Variants in LNPEP observed in about 807,000 individuals in gnomAD.
The protein encoded by LNPEP is leucyl and cystinyl aminopeptidase.
In LNPEP, 64 loss-of-function variants were observed where a neutral mutation model predicts 120.6. That is an observed-to-expected ratio of 0.53 (90% CI 0.43 to 0.65). The LOEUF (loss-of-function observed/expected upper bound fraction) is 0.65, where lower values mean the gene tolerates loss of function less well. LNPEP is among the 30% of genes least tolerant of loss of function. The pLI is 0.00. For synonymous variants in LNPEP, 435 were observed against 425.4 expected, an observed-to-expected ratio of 1.02 and a Z score of -0.28; for missense variants, 1,057 against 1,200.0, an observed-to-expected ratio of 0.88 and a Z score of 1.76.
intron 1 of LNPEP, among the ~76,000 whole-genome samples, chr5:96,955,885 G>A (rs758583926): frequency 5.3e-4 from 81 of 152,264 alleles, no homozygotes; most frequent in Admixed American, 8.5e-4. Context: ...CTTTCAAACT[G>A]TTTGTGCCAT....
intron 1 of LNPEP, among the ~76,000 whole-genome samples, chr5:96,966,508 T>TTGTGTGTGTG (rs375861296): frequency 7.5e-5 from 10 of 133,368 alleles, no homozygotes; most frequent in Admixed American, 1.5e-4. Flanking sequence ...TTACATATAT[T>TTGTGTGTGTG]TGTGTGTGTG....
intron 1 of LNPEP, chr5:96,937,794 T>C (rs546908811): frequency 6.6e-6 from 1 of 152,372 alleles, no homozygotes; most frequent in East Asian, 1.9e-4. Flanking sequence ...TCTTATAGAA[T>C]ATGCTTCTAG....
At chr5:97,010,592 C>G (rs554232825) in intron 11 of LNPEP, 1 of 985,146 alleles carries the variant, frequency 1.0e-6, no homozygotes, top group East Asian at 1.1e-4. Flanking sequence ...AGTTTCAGAA[C>G]TTTAGTTTTT....
At chr5:96,966,579 G>GTGA (rs1789729300) in intron 1 of LNPEP, among the ~76,000 whole-genome samples, 1 of 150,814 alleles carries the variant, frequency 6.6e-6, no homozygotes, top group Non-Finnish European at 1.5e-5. Context: ...GGCCCTACCA[G>GTGA]TGATGGAGTC....
At chr5:96,949,736 A>T (rs1299620740) in intron 1 of LNPEP, among the ~76,000 whole-genome samples, 6 of 152,186 alleles carry the variant, frequency 3.9e-5, no homozygotes, top group Non-Finnish European at 7.3e-5. Flanking sequence ...ACAAAAACAC[A>T]GTTCTTTTAT....
At chr5:96,954,598 G>GTC (rs66769873) in intron 1 of LNPEP, among the ~76,000 whole-genome samples, 3,170 of 106,234 alleles carry the variant, frequency 0.03, 625 homozygotes, top group African/African-American at 0.052. Flanking sequence ...ATTCTTGCAA[G>GTC]TCTCTCTCTC....
chr5:96,998,146 G>T lies in LNPEP; in HGVS notation c.1653+1G>T. 6.3e-7 allele frequency: 1 copy of T among 1,590,688 alleles called. No homozygotes were observed. The highest frequency in any genetic ancestry group is 8.5e-7 in the Non-Finnish European group (1 of 1,171,612). On this transcript the variant is annotated splice_donor_variant, in intron 8 of 17. Transcript: ENST00000231368. LOFTEE classifies it high-confidence loss of function. ...GTTTGATTCTCTTTCCTATTTTAAG[G>T]TATTGCTGTGAACAAAAAGGTAGCT...
chr5:96,985,252 G>A, intron 3 of LNPEP, 34 bp downstream of exon 3: 9 of 1,565,824 alleles, frequency 5.7e-6, no homozygotes, highest in Non-Finnish European at 6.9e-6. Context: ...AAAAATCTTT[G>A]AATGGGTCTC....
chr5:97,003,567 A>G, intron 9 of LNPEP, 21 bp downstream of exon 9: 1 of 1,548,424 alleles, frequency 6.5e-7, no homozygotes, highest in South Asian at 1.2e-5. Flanking sequence ...TGGGTAATTT[A>G]TTTAGCTCTT....
At chr5:97,020,071 C>T (rs576093973) in intron 13 of LNPEP, among the ~76,000 whole-genome samples, 9 of 152,320 alleles carry the variant, frequency 5.9e-5, no homozygotes, top group Non-Finnish European at 4.4e-5. Flanking sequence ...GAAACAAACA[C>T]AAGCGAGTTG....
intron 1 of LNPEP, among the ~76,000 whole-genome samples, chr5:96,940,266 T>C (rs960602244): frequency 6.6e-6 from 1 of 152,172 alleles, no homozygotes; most frequent in African/African-American, 2.4e-5. Flanking sequence ...CCGGTGATTA[T>C]CATTTATCTG....
chr5:96,938,137 G>T (rs1172842088), intron 1 of LNPEP, among the ~76,000 whole-genome samples: 1 of 152,202 alleles, frequency 6.6e-6, no homozygotes, highest in Non-Finnish European at 1.5e-5. Context: ...GAAAACTTTT[G>T]AAGGATTGCT....
intron 1 of LNPEP, among the ~76,000 whole-genome samples, chr5:96,945,463 A>C (rs961316846): frequency 1.3e-5 from 2 of 150,672 alleles, no homozygotes; most frequent in Non-Finnish European, 2.9e-5. Context: ...TGTTCCACAC[A>C]AGAGACAGCT....
chr5:96,946,901 T>C (rs560922266), intron 1 of LNPEP, among the ~76,000 whole-genome samples: 1 of 152,338 alleles, frequency 6.6e-6, no homozygotes, highest in East Asian at 1.9e-4. Flanking sequence ...TCTGTATACA[T>C]TGAAGAGTTC....
At chr5:96,949,305 C>T (rs953895654) in intron 1 of LNPEP, among the ~76,000 whole-genome samples, 14 of 152,244 alleles carry the variant, frequency 9.2e-5, no homozygotes, top group African/African-American at 3.4e-4. Context: ...GCGTTACCGC[C>T]TGGGCGCCTC....
intron 14 of LNPEP, among the ~76,000 whole-genome samples, chr5:97,022,752 G>A (rs886550378): frequency 6.8e-6 from 1 of 147,658 alleles, no homozygotes; most frequent in African/African-American, 2.5e-5. Context: ...TCGTCATTTA[G>A]CATTAGGTAT....
At chr5:97,026,235 C>G (rs1188694195) in intron 15 of LNPEP, among the ~76,000 whole-genome samples, 1 of 152,028 alleles carries the variant, frequency 6.6e-6, no homozygotes, top group East Asian at 1.9e-4. Flanking sequence ...TCAAATAATT[C>G]AAATGACCTA....
At chr5:96,988,334 C>CTTTTTTT (rs1293064236) in intron 4 of LNPEP, among the ~76,000 whole-genome samples, 1 of 115,478 alleles carries the variant, frequency 8.7e-6, no homozygotes, top group African/African-American at 3.4e-5. Flanking sequence ...TTTTCTTTTT[C>CTTTTTTT]TTTTCTTTTT....
At chr5:96,965,983 C>A (rs1789716210) in intron 1 of LNPEP, among the ~76,000 whole-genome samples, 1 of 152,024 alleles carries the variant, frequency 6.6e-6, no homozygotes, top group Non-Finnish European at 1.5e-5. Context: ...TTTCTGTTTG[C>A]AATTGTCCTT....
Sources: allele counts gnomAD v4.1 joint callset (sites outside exome capture counted in the v4.1 genomes callset), GRCh38; gene constraint gnomAD v4.1.1; transcripts MANE v1.5; gene names NCBI Gene and HGNC (gene_info 2026-07-23, HGNC 2026-07-21).